Variants in GPR161 observed in about 807,000 individuals in gnomAD.
GPR161 encodes G protein-coupled receptor 161, also known as G-protein coupled receptor RE2.
GPR161 carries 25 observed loss-of-function variants against 39.2 expected under a neutral mutation model. The observed-to-expected ratio is 0.64, with a 90% CI of 0.47 to 0.89. The LOEUF (loss-of-function observed/expected upper bound fraction) is 0.89. Ranked by LOEUF, GPR161 falls within the 40% of genes least tolerant of loss-of-function variation. The probability of loss-of-function intolerance (pLI) is 0.00; values close to 1 mark genes in which losing one functional copy is unlikely to be tolerated. For synonymous variants in GPR161, 286 were observed against 276.6 expected (o/e 1.03, Z -0.34); for missense variants, 547 against 677.8 (o/e 0.81, Z 2.14).
At chr1:168,105,924 T>C (rs1419182047) in intron 1 of GPR161, among the ~76,000 whole-genome samples, 1 of 152,226 alleles carries the variant, frequency 6.6e-6, no homozygotes, top group Non-Finnish European at 1.5e-5. Context: ...AAAACTCTGC[T>C]GCCTAAACTG....
intron 1 of GPR161, among the ~76,000 whole-genome samples, chr1:168,116,747 C>G (rs1021568911): frequency 6.6e-6 from 1 of 152,204 alleles, no homozygotes; most frequent in Non-Finnish European, 1.5e-5. Flanking sequence ...ACCCCAGGGG[C>G]GTGTACCCAC....
chr1:168,086,436 G>A (rs1694500295), intron 5 of GPR161, among the ~76,000 whole-genome samples: 1 of 152,134 alleles, frequency 6.6e-6, no homozygotes, highest in South Asian at 2.1e-4. Flanking sequence ...GACATTTCAG[G>A]GGAACAATTT....
intron 5 of GPR161, 75 bp from the exon 6 acceptor site, chr1:168,085,871 T>A (rs963077287): frequency 2.2e-6 from 3 of 1,333,442 alleles, no homozygotes; most frequent in African/African-American, 2.9e-5. Flanking sequence ...AGCCTGCTGC[T>A]GCTCCACCAC....
chr1:168,086,608 C>A (rs1054838554), intron 5 of GPR161, among the ~76,000 whole-genome samples: 1 of 152,208 alleles, frequency 6.6e-6, no homozygotes, highest in African/African-American at 2.4e-5. Context: ...TGGAGGGTGC[C>A]TTTGGAGCTG....
intron 2 of GPR161, among the ~76,000 whole-genome samples, chr1:168,100,530 C>T (rs962321759): frequency 6.6e-6 from 1 of 152,158 alleles, no homozygotes; most frequent in African/African-American, 2.4e-5. Flanking sequence ...GCTTTCATGA[C>T]GTCACAGGTA....
At chr1:168,136,645 G>A in intron 1 of GPR161, 94 bp downstream of exon 1, 1 of 1,210,610 alleles carries the variant, frequency 8.3e-7, no homozygotes, top group Non-Finnish European at 1.0e-6. Context: ...CCCGCGCCCT[G>A]AGCCCTCAGC....
In GPR161 at chr1:168,085,609, G is replaced by C. The variant is rs374744784; in HGVS notation, c.1512C>G (p.Gly504=). Reference sequence around the variant, plus strand: ...GCCTCTGGCTCACAAGAGTTCTGCTGCCTCGGCGGCCCCCGAAGCCGCCCC... The same window carrying C: ...GCCTCTGGCTCACAAGAGTTCTGCTCCCTCGGCGGCCCCCGAAGCCGCCCC... The part of the protein sequence containing the change: ...VPGGGFGGRR[G]SRTLVSQRLQ... Residue 504 remains glycine (G), a synonymous_variant, in exon 6 of 6, where the codon GGC becomes GGG. Transcript: ENST00000682931. The C allele has an allele frequency of 1.2e-6, 2 of 1,613,924 alleles. No homozygotes were observed. The highest frequency in any genetic ancestry group is 1.7e-6 in the Non-Finnish European group (2 of 1,179,972).
intron 1 of GPR161, among the ~76,000 whole-genome samples, chr1:168,106,783 T>G (rs1696661331): frequency 6.6e-6 from 1 of 152,234 alleles, no homozygotes; most frequent in Non-Finnish European, 1.5e-5. Flanking sequence ...GGCCCATATT[T>G]CCAGGCTGCT....
rs1313657917 is a variant in GPR161 at position 168,082,302 on chromosome 1, G to A, written c.*3229C>T. 1 of 152,298 alleles carries A rather than the reference G, an allele frequency of 6.6e-6. No individual in the cohort carries two copies. Among genetic ancestry groups the A allele is most frequent in the Admixed American group, 6.5e-5 (1 of 15,292 alleles). 9.4% of individuals were successfully genotyped at this position (152,298 alleles called of 1,614,324 possible). A position where few individuals can be genotyped will look rare whatever the true frequency, so the allele number is the denominator to read the frequency against. ...TGGGGTCATGCATGTAAGCAGGCTA[G>A]CCAGGTGGTCCTTGGTCACCAAGGC... On this transcript the variant is annotated 3_prime_UTR_variant, in exon 6 of 6. Transcript: ENST00000682931.
At chr1:168,126,233 A>G (rs1415338910) in intron 1 of GPR161, among the ~76,000 whole-genome samples, 2 of 152,168 alleles carry the variant, frequency 1.3e-5, no homozygotes, top group Non-Finnish European at 2.9e-5. Context: ...GAGAGCTCAG[A>G]GGTTACCACC....
In GPR161 at chr1:168,101,347, C is replaced by T. The variant is rs1037262401; in HGVS notation, c.374+3130G>A. ...CGTCTATAGACATTTTGGGCTGTCA[C>T]GACTGGGGAGGTGTTCCAGCATCTG... On this transcript the variant is annotated intron_variant, in intron 2 of 5. Transcript: ENST00000682931. 4.6e-5 allele frequency among the ~76,000 whole-genome samples: 7 copies of T among 152,144 alleles called. No individual in the cohort carries two copies. In the East Asian group the frequency reaches 5.8e-4, roughly 13 times the overall value.
At chr1:168,090,518 CAG>C (rs1694955750) in intron 4 of GPR161, 44 bp downstream of exon 4, 2 of 1,154,212 alleles carry the variant, frequency 1.7e-6, no homozygotes, top group African/African-American at 1.5e-5. Flanking sequence ...AAACGCAACA[CAG>C]GGAAAACGCG....
intron 3 of GPR161, 99 bp downstream of exon 3, chr1:168,096,409 A>G (rs1001246797): frequency 8.3e-7 from 1 of 1,200,300 alleles, no homozygotes; most frequent in African/African-American, 1.5e-5. Flanking sequence ...CCTTACCGCC[A>G]GTCAGCCTGA....
chr1:168,094,648 A>G (rs920720270), intron 3 of GPR161, among the ~76,000 whole-genome samples: 14 of 152,218 alleles, frequency 9.2e-5, no homozygotes, highest in East Asian at 7.7e-4. Flanking sequence ...AGAAAGACCT[A>G]TTTCATGAAG....
intron 1 of GPR161, among the ~76,000 whole-genome samples, chr1:168,109,164 T>C (rs1401217759): frequency 6.6e-6 from 1 of 152,238 alleles, no homozygotes; most frequent in Non-Finnish European, 1.5e-5. Context: ...AATGACTTTA[T>C]CCAAGCAAAG....
intron 1 of GPR161, among the ~76,000 whole-genome samples, chr1:168,118,239 T>C (rs2102221607): frequency 6.6e-6 from 1 of 152,278 alleles, no homozygotes; most frequent in East Asian, 1.9e-4. Context: ...AAATTATGTA[T>C]CTGATAAAGG....
upstream of GPR161, chr1:168,137,560 GC>G: frequency 1.5e-6 from 1 of 655,234 alleles, no homozygotes; most frequent in Non-Finnish European, 2.7e-6. Flanking sequence ...GAACCAAAAG[GC>G]CAGGGAGCAG....
chr1:168,133,574 A>G (rs1699155516), intron 1 of GPR161, among the ~76,000 whole-genome samples: 1 of 152,268 alleles, frequency 6.6e-6, no homozygotes, highest in African/African-American at 2.4e-5. Context: ...CTTCTAAGTC[A>G]TATTGTTAAA....
At chr1:168,120,242 G>A (rs1188596213) in intron 1 of GPR161, among the ~76,000 whole-genome samples, 1 of 152,222 alleles carries the variant, frequency 6.6e-6, no homozygotes, top group Admixed American at 6.5e-5. Flanking sequence ...CCCTGGATGT[G>A]AGACATAGAG....
Sources: allele counts gnomAD v4.1 joint callset (sites outside exome capture counted in the v4.1 genomes callset), GRCh38; gene constraint gnomAD v4.1.1; transcripts MANE v1.5; gene names NCBI Gene and HGNC (gene_info 2026-07-23, HGNC 2026-07-21).